STRBP: variants seen among roughly 807,000 people sequenced by gnomAD.
STRBP encodes spermatid perinuclear RNA binding protein, also known as spermatid perinuclear RNA-binding protein.
Under a neutral mutation model 80.1 loss-of-function variants are expected in STRBP, and 13 were observed. That is an observed-to-expected ratio of 0.16 (90% CI 0.11 to 0.26). STRBP has a LOEUF of 0.26. Ranked by LOEUF, STRBP falls within the 10% of genes least tolerant of loss-of-function variation. The pLI is 1.00. For synonymous variants in STRBP, 284 were observed against 291.2 expected, an observed-to-expected ratio of 0.98 and a Z score of 0.25; for missense variants, 485 against 815.2, an observed-to-expected ratio of 0.59 and a Z score of 4.93.
intron 12 of STRBP, 93 bp from the exon 13 acceptor site, chr9:123,147,147 C>G (rs2036844898): frequency 9.4e-7 from 1 of 1,058,540 alleles, no homozygotes; most frequent in African/African-American, 1.6e-5. Flanking sequence ...TGTAAATTCA[C>G]CAAAATTTTT....
At chr9:123,133,952 G>A (rs2036248962) in intron 16 of STRBP, among the ~76,000 whole-genome samples, 1 of 152,062 alleles carries the variant, frequency 6.6e-6, no homozygotes, top group Admixed American at 6.6e-5. Flanking sequence ...TACCCACTTT[G>A]TTTTCCTTAG....
In STRBP at chr9:123,123,075, C is replaced by A; in HGVS notation, c.*2522G>T. The A allele has an allele frequency of 1.0e-6, 1 of 985,348 alleles. No individual in the cohort carries two copies. Among genetic ancestry groups the A allele is most frequent in the Non-Finnish European group, 1.2e-6 (1 of 829,932 alleles). The allele number at this position is 985,348 out of a possible 1,614,324, so 61.0% of individuals were successfully genotyped here. Reference sequence around the variant, plus strand: ...CAGGGTGTCACATTGCTCTTAAGACCAAGACATAGAAATTGCCATTTCAAG... The same window carrying A: ...CAGGGTGTCACATTGCTCTTAAGACAAAGACATAGAAATTGCCATTTCAAG... On this transcript the variant is annotated 3_prime_UTR_variant, in exon 19 of 19. Coordinates refer to ENST00000348403, the MANE Select transcript of STRBP (RefSeq NM_018387.5).
intron 11 of STRBP, among the ~76,000 whole-genome samples, chr9:123,151,409 A>T (rs1332190667): frequency 1.3e-5 from 2 of 152,190 alleles, no homozygotes; most frequent in African/African-American, 2.4e-5. Flanking sequence ...ATACATTTTC[A>T]GAGCAAAAAA....
At chr9:123,249,694 T>A (rs1235486647) in intron 1 of STRBP, among the ~76,000 whole-genome samples, 1 of 152,182 alleles carries the variant, frequency 6.6e-6, no homozygotes, top group Non-Finnish European at 1.5e-5. Context: ...ATTAAAAAAA[T>A]ATAAAGCAAC....
chr9:123,183,934 GC>G (rs768941844), intron 3 of STRBP, among the ~76,000 whole-genome samples, 197 bp downstream of exon 3: 27 of 152,134 alleles, frequency 1.8e-4, no homozygotes, highest in Non-Finnish European at 2.9e-5. Flanking sequence ...GGCTCATGAG[GC>G]CCTACCTTGT....
chr9:123,137,095 C>G (rs1201298362), intron 14 of STRBP, among the ~76,000 whole-genome samples: 1 of 152,098 alleles, frequency 6.6e-6, no homozygotes, highest in African/African-American at 2.4e-5. Flanking sequence ...GTGGGAGGGA[C>G]AGATATCATC....
Position 123,223,894 on chromosome 9 carries a change from T to TA in STRBP, c.-165+12935dup, listed in dbSNP as rs1810931614. Among the ~76,000 whole-genome samples, 2 of 152,296 alleles carry TA rather than the reference T, an allele frequency of 1.3e-5. 1 individual carries two copies. The highest frequency in any genetic ancestry group is 4.1e-4 in the South Asian group (2 of 4,824). Reference sequence around the variant, plus strand: ...GCAAGAAGCCACTTTATTAATGGTTTATTTTTTACTTCTGACACAGGCAGA... The same window carrying TA: ...GCAAGAAGCCACTTTATTAATGGTTTAATTTTTTACTTCTGACACAGGCAGA... On this transcript the variant is annotated intron_variant, in intron 2 of 18. Coordinates refer to ENST00000348403, the MANE Select transcript of STRBP (RefSeq NM_018387.5).
At chr9:123,198,235 G>T (rs1354235738) in intron 2 of STRBP, among the ~76,000 whole-genome samples, 1 of 152,090 alleles carries the variant, frequency 6.6e-6, no homozygotes, top group Non-Finnish European at 1.5e-5. Context: ...CCACCTCCTG[G>T]GTTCAAGCAA....
At chr9:123,206,724 C>T (rs754385548) in intron 2 of STRBP, among the ~76,000 whole-genome samples, 1 of 151,986 alleles carries the variant, frequency 6.6e-6, no homozygotes, top group Non-Finnish European at 1.5e-5. Flanking sequence ...TCACAACCTC[C>T]GCCTCCCGGG....
chr9:123,203,813 A>G (rs1237749255), intron 2 of STRBP, among the ~76,000 whole-genome samples: 2 of 152,004 alleles, frequency 1.3e-5, no homozygotes, highest in Non-Finnish European at 2.9e-5. Flanking sequence ...CTCTACTAAA[A>G]TTACAAAAAT....
At chr9:123,116,836 A>T (rs1340333942), downstream of STRBP, among the ~76,000 whole-genome samples, 1 of 152,206 alleles carries the variant, frequency 6.6e-6, no homozygotes, top group Non-Finnish European at 1.5e-5. Flanking sequence ...TTATCTAAGC[A>T]TCTATTTCCT....
chr9:123,115,992 C>A lies in STRBP; in HGVS notation c.*21G>T. 1 of 456,264 alleles carries A rather than the reference C, an allele frequency of 2.2e-6. No homozygotes were observed. 28.3% of individuals were successfully genotyped at this position (456,264 alleles called of 1,614,324 possible). ...CACCAGCCTTAACCTTCTGGTCCTTCCATCTCATTTCAAGGTGCTTTCAGC... is the reference window on the plus strand; with the variant it reads ...CACCAGCCTTAACCTTCTGGTCCTTACATCTCATTTCAAGGTGCTTTCAGC... On this transcript the variant is annotated 3_prime_UTR_variant and NMD_transcript_variant, in exon 3 of 4. Transcript: ENST00000471564. This position sits in a 1 kb window ranked among gnomAD's most constrained non-coding sequence, Gnocchi z 5.0.
intron 2 of STRBP, among the ~76,000 whole-genome samples, chr9:123,201,302 T>C (rs1261932000): frequency 6.6e-6 from 1 of 152,198 alleles, no homozygotes; most frequent in African/African-American, 2.4e-5. Context: ...GGTGTGACAT[T>C]AGGTTGTCAA....
At chr9:123,256,018 C>CTTTTTTTT (rs11338372) in intron 1 of STRBP, among the ~76,000 whole-genome samples, 993 of 71,404 alleles carry the variant, frequency 0.014, 3 homozygotes, top group Non-Finnish European at 0.016. Context: ...TCCTTTCTTT[C>CTTTTTTTT]TTTTTTTTTT....
At position 123,132,856 on chromosome 9, in the gene STRBP, T is replaced by C. The variant is rs914936243; in HGVS notation, c.1886A>G (p.Tyr629Cys). The C allele has an allele frequency of 1.2e-6, 2 of 1,614,084 alleles. No homozygotes were observed. The highest frequency in any genetic ancestry group is 1.7e-6 in the Non-Finnish European group (2 of 1,179,962). The part of the protein sequence containing the change: ...AFVGATAAPG[Y>C]IAPGYGTPYG... The stretch of plus-strand genomic sequence containing the variant: ...AGTTTGTACTATACCTGGAGCTATG[T>C]AGCCAGGAGCAGCTGTCGCCCCAAC... Residue 629 changes from tyrosine to cysteine, a missense_variant, in exon 17 of 19, where the codon TAC becomes TGC. Transcript: ENST00000348403.
chr9:123,242,651 C>A (rs1470829717), intron 1 of STRBP, among the ~76,000 whole-genome samples: 1 of 151,648 alleles, frequency 6.6e-6, no homozygotes, highest in African/African-American at 2.4e-5. Flanking sequence ...CAGAGTGAGA[C>A]CCTGTCTCAA....
chr9:123,257,429 CACACACACAG>C (rs1247622878), intron 1 of STRBP, among the ~76,000 whole-genome samples: 1 of 152,040 alleles, frequency 6.6e-6, no homozygotes, highest in Non-Finnish European at 1.5e-5. Context: ...CACACACACA[CACACACACAG>C]ACACACACAC....
intron 1 of STRBP, among the ~76,000 whole-genome samples, chr9:123,239,654 A>AT (rs1444886081): frequency 6.6e-6 from 1 of 152,236 alleles, no homozygotes; most frequent in Non-Finnish European, 1.5e-5. Context: ...CTATTCTTAT[A>AT]ACAGGAGCAG....
chr9:123,144,698 A>C (rs2036739886), intron 13 of STRBP, among the ~76,000 whole-genome samples: 1 of 152,232 alleles, frequency 6.6e-6, no homozygotes, highest in Admixed American at 6.5e-5. Flanking sequence ...ATACATTTAT[A>C]ATAAGATTTA....
Sources: gnomAD v4.1 joint callset for allele counts (sites outside exome capture counted in the v4.1 genomes callset) on GRCh38, gnomAD v4.1.1 for gene constraint, Gnocchi (gnomAD v3.1) non-coding constraint, MANE v1.5 for transcripts, NCBI Gene and HGNC (gene_info 2026-07-23, HGNC 2026-07-21) for gene names.